Variants in LARS2 observed in about 807,000 individuals in gnomAD.
The protein encoded by LARS2 is leucyl-tRNA synthetase 2, mitochondrial, also known as leucine--tRNA ligase, mitochondrial.
LARS2 carries 81 observed loss-of-function variants against 116.6 expected under a neutral mutation model. The ratio of observed to expected loss-of-function variants is 0.69; its 90% CI spans 0.58 to 0.84. LARS2 has a LOEUF of 0.84. Ranked by LOEUF, LARS2 falls within the 40% of genes least tolerant of loss-of-function variation. The pLI is 0.00. For missense variants in LARS2, 968 were observed against 1,114.5 expected, an observed-to-expected ratio of 0.87 and a Z score of 1.87; for synonymous variants, 396 against 407.2, an observed-to-expected ratio of 0.97 and a Z score of 0.33.
intron 8 of LARS2, among the ~76,000 whole-genome samples, chr3:45,459,192 AAG>A (rs1377778150): frequency 1.3e-5 from 2 of 152,218 alleles, no homozygotes; most frequent in African/African-American, 4.8e-5. Context: ...AGCTTTAAAA[AAG>A]AGAGAGGGGG....
intron 18 of LARS2, chr3:45,519,711 A>G (rs6441920): frequency 0.27 from 40,927 of 153,056 alleles, 5,825 homozygotes; most frequent in Middle Eastern, 0.4. Context: ...GCAATGGCGC[A>G]ATCTCAGCTC....
intron 13 of LARS2, among the ~76,000 whole-genome samples, chr3:45,495,918 G>A (rs1020665142): frequency 2.0e-5 from 3 of 151,534 alleles, no homozygotes; most frequent in Admixed American, 1.3e-4. Context: ...GGAGTGCAAT[G>A]GCACGATCTT....
intron 19 of LARS2, among the ~76,000 whole-genome samples, chr3:45,523,621 G>A (rs555999178): frequency 3.4e-4 from 51 of 151,764 alleles, no homozygotes; most frequent in African/African-American, 1.1e-3. Context: ...TGACCTCCTG[G>A]TCTTAAGTGA....
At chr3:45,468,767 G>T (rs1049736060) in intron 8 of LARS2, among the ~76,000 whole-genome samples, 3 of 152,330 alleles carry the variant, frequency 2.0e-5, no homozygotes, top group Admixed American at 2.0e-4. Flanking sequence ...CAAATTGGCT[G>T]CTGCCATACT....
chr3:45,498,203 A>G (rs116737332), intron 14 of LARS2, among the ~76,000 whole-genome samples: 1,664 of 152,338 alleles, frequency 0.011, 27 homozygotes, highest in African/African-American at 0.038. Flanking sequence ...CGGGAGAGAC[A>G]TCCTGAGACC....
intron 4 of LARS2, among the ~76,000 whole-genome samples, chr3:45,407,913 C>T (rs909645477): frequency 1.3e-5 from 2 of 152,132 alleles, no homozygotes; most frequent in East Asian, 1.9e-4. Context: ...CTTCTTGTGT[C>T]GGATGAACAA....
intron 1 of LARS2, among the ~76,000 whole-genome samples, 162 bp from the exon 2 acceptor site, chr3:45,391,421 G>A (rs1459952337): frequency 6.7e-6 from 1 of 150,052 alleles, no homozygotes; most frequent in Non-Finnish European, 1.5e-5. Flanking sequence ...GGAGGCGGAG[G>A]TTGCAGTGAG....
intron 8 of LARS2, among the ~76,000 whole-genome samples, chr3:45,464,840 G>A (rs1200458054): frequency 6.6e-6 from 1 of 152,174 alleles, no homozygotes; most frequent in Non-Finnish European, 1.5e-5. Flanking sequence ...CCAGGCCAGG[G>A]CTGGGATTTG....
chr3:45,390,109 A>T (rs955297651), intron 1 of LARS2, among the ~76,000 whole-genome samples: 7 of 150,970 alleles, frequency 4.6e-5, no homozygotes, highest in Admixed American at 2.0e-4. Flanking sequence ...AGGTGGAATC[A>T]GTTTACATTC....
intron 2 of LARS2, among the ~76,000 whole-genome samples, chr3:45,394,225 A>G (rs555927937): frequency 6.6e-6 from 1 of 152,290 alleles, no homozygotes; most frequent in South Asian, 2.1e-4. Context: ...TGCATCTTTG[A>G]TGTTAGGGGT....
At chr3:45,451,562 T>C (rs1699129078) in intron 7 of LARS2, among the ~76,000 whole-genome samples, 1 of 152,114 alleles carries the variant, frequency 6.6e-6, no homozygotes, top group African/African-American at 2.4e-5. Flanking sequence ...ATTGGTCTGT[T>C]TGTCTCCTTT....
chr3:45,454,805 G>A (rs1699187873), intron 7 of LARS2, among the ~76,000 whole-genome samples: 1 of 152,180 alleles, frequency 6.6e-6, no homozygotes. Context: ...CTGGATGAGG[G>A]AAGCTATTGA....
At chr3:45,465,570 T>TA (rs1699408573) in intron 8 of LARS2, among the ~76,000 whole-genome samples, 1 of 152,148 alleles carries the variant, frequency 6.6e-6, no homozygotes, top group Non-Finnish European at 1.5e-5. Context: ...AAATCTTTAA[T>TA]AACAGCCCGG....
At chr3:45,543,383 C>T (rs1003886931) in intron 21 of LARS2, among the ~76,000 whole-genome samples, 1 of 152,046 alleles carries the variant, frequency 6.6e-6, no homozygotes, top group South Asian at 2.1e-4. Flanking sequence ...TGGGCTCAAG[C>T]AGTCCTCTTG....
At chr3:45,497,960 C>T (rs1700045563) in intron 14 of LARS2, among the ~76,000 whole-genome samples, 1 of 152,084 alleles carries the variant, frequency 6.6e-6, no homozygotes, top group Non-Finnish European at 1.5e-5. Flanking sequence ...GAAAGACACC[C>T]TGCAAAGGCA....
At chr3:45,521,335 C>T (rs980645528) in intron 19 of LARS2, among the ~76,000 whole-genome samples, 1 of 152,076 alleles carries the variant, frequency 6.6e-6, no homozygotes, top group African/African-American at 2.4e-5. Context: ...AAATAATTAG[C>T]CTGGCATGGT....
chr3:45,419,935 C>T (rs1037246940), intron 6 of LARS2, among the ~76,000 whole-genome samples: 1 of 152,194 alleles, frequency 6.6e-6, no homozygotes, highest in Non-Finnish European at 1.5e-5. Context: ...TGAGAGTTAA[C>T]TTCCTATTTA....
intron 4 of LARS2, among the ~76,000 whole-genome samples, chr3:45,401,003 C>CTG (rs1273126529): frequency 6.6e-6 from 1 of 151,956 alleles, no homozygotes; most frequent in Non-Finnish European, 1.5e-5. Context: ...TTAGTAGAGA[C>CTG]GGTTTCACTG....
chr3:45,529,576 G>A (rs1700584445), intron 20 of LARS2, among the ~76,000 whole-genome samples: 1 of 150,734 alleles, frequency 6.6e-6, no homozygotes, highest in Admixed American at 6.6e-5. Context: ...ATGCTAAATA[G>A]CTAATGTTTA....
Sources: allele counts gnomAD v4.1 joint callset (sites outside exome capture counted in the v4.1 genomes callset), GRCh38; gene constraint gnomAD v4.1.1; transcripts MANE v1.5; gene names NCBI Gene and HGNC (gene_info 2026-07-23, HGNC 2026-07-21).